Variants in BRINP2 observed in about 807,000 individuals in gnomAD.
BRINP2 encodes the protein BMP/retinoic acid inducible neural specific 2, also known as BMP/retinoic acid-inducible neural-specific protein 2.
BRINP2 carries 21 observed loss-of-function variants against 69.2 expected under a neutral mutation model. That is an observed-to-expected ratio of 0.30 (90% CI 0.22 to 0.44). The LOEUF (loss-of-function observed/expected upper bound fraction) is 0.44. Ranked by LOEUF, BRINP2 falls within the 20% of genes least tolerant of loss-of-function variation. The probability of loss-of-function intolerance (pLI) is 1.00; values close to 1 mark genes in which losing one functional copy is unlikely to be tolerated. For missense variants in BRINP2, 877 were observed against 986.0 expected, an observed-to-expected ratio of 0.89 and a Z score of 1.48; for synonymous variants, 380 against 394.1, an observed-to-expected ratio of 0.96 and a Z score of 0.42.
Position 177,223,967 on chromosome 1 carries a change from G to A in BRINP2, c.-76-5834G>A, listed in dbSNP as rs567545707. ...TACAAAATGAAACCAGGAGCACATC[G>A]TCAAGGCAAAAGCACCATGGTTAGT... On this transcript the variant is annotated intron_variant, in intron 1 of 7. Coordinates refer to ENST00000361539, the MANE Select transcript of BRINP2 (RefSeq NM_021165.4). Among the ~76,000 whole-genome samples, 18 of 152,176 alleles carry A rather than the reference G, an allele frequency of 1.2e-4. No homozygotes were observed. The East Asian group carries it at 2.5e-3, about 21-fold the overall frequency.
At chr1:177,208,558 G>A (rs1558159774) in intron 1 of BRINP2, among the ~76,000 whole-genome samples, 1 of 152,180 alleles carries the variant, frequency 6.6e-6, no homozygotes, top group Non-Finnish European at 1.5e-5. Context: ...TCTGTAGAGA[G>A]TGTGCATTAT....
At chr1:177,254,966 A>G (rs1265453994) in intron 2 of BRINP2, among the ~76,000 whole-genome samples, 1 of 152,216 alleles carries the variant, frequency 6.6e-6, no homozygotes, top group Non-Finnish European at 1.5e-5. Flanking sequence ...TGACCAACAC[A>G]TGATGTTACA....
chr1:177,247,578 A>G (rs867590331), intron 2 of BRINP2, among the ~76,000 whole-genome samples: 1 of 152,248 alleles, frequency 6.6e-6, no homozygotes, highest in Non-Finnish European at 1.5e-5. Flanking sequence ...CTGGAGAATA[A>G]TAGCCCAGTC....
intron 1 of BRINP2, among the ~76,000 whole-genome samples, chr1:177,187,890 A>G (rs1291070890): frequency 6.6e-6 from 1 of 152,218 alleles, no homozygotes; most frequent in Non-Finnish European, 1.5e-5. Context: ...AAGATTAAAA[A>G]ATAATCCATG....
chr1:177,239,378 C>A (rs555436004), intron 2 of BRINP2, among the ~76,000 whole-genome samples: 1 of 152,164 alleles, frequency 6.6e-6, no homozygotes, highest in Non-Finnish European at 1.5e-5. Context: ...TACAAGGGTG[C>A]GATGTAAATC....
intron 1 of BRINP2, among the ~76,000 whole-genome samples, chr1:177,216,251 CT>C (rs971545263): frequency 6.6e-6 from 1 of 151,752 alleles, no homozygotes; most frequent in Non-Finnish European, 1.5e-5. Context: ...ATTTTGTTTT[CT>C]TTTGTTTTGT....
At chr1:177,266,127 T>A (rs928904334) in intron 4 of BRINP2, among the ~76,000 whole-genome samples, 1 of 150,772 alleles carries the variant, frequency 6.6e-6, no homozygotes, top group African/African-American at 2.4e-5. Context: ...CTCAAAATAA[T>A]AATAATAATA....
chr1:177,279,742 T>G (rs1287909222), intron 7 of BRINP2, among the ~76,000 whole-genome samples: 1 of 152,254 alleles, frequency 6.6e-6, no homozygotes, highest in East Asian at 1.9e-4. Flanking sequence ...ACAGTGTTCC[T>G]TCTTTCATGG....
At chr1:177,272,575 T>A (rs1167482537) in intron 4 of BRINP2, among the ~76,000 whole-genome samples, 2 of 152,352 alleles carry the variant, frequency 1.3e-5, no homozygotes, top group East Asian at 1.9e-4. Flanking sequence ...CTCCTGTGCC[T>A]GCTGCAAAGC....
rs192331199 is a variant in BRINP2 at position 177,224,535 on chromosome 1, T to C, written c.-76-5266T>C. ...CATTTAACCGATGATACAGTGAAGG[T>C]CCCAGAGGGAAGTGACTTGCCTGAG... is the stretch of plus-strand genomic sequence containing the variant. On this transcript the variant is annotated intron_variant, in intron 1 of 7. Coordinates refer to ENST00000361539, the MANE Select transcript of BRINP2 (RefSeq NM_021165.4). 3.3e-4 allele frequency among the ~76,000 whole-genome samples: 50 copies of C among 152,022 alleles called. No homozygotes were observed. In the East Asian group the frequency reaches 7.7e-3, roughly 24 times the overall value.
intron 1 of BRINP2, among the ~76,000 whole-genome samples, chr1:177,201,879 C>T (rs1212174407): frequency 6.6e-6 from 1 of 152,112 alleles, no homozygotes; most frequent in Non-Finnish European, 1.5e-5. Context: ...AATTTCAGAG[C>T]CTGTTATTGG....
chr1:177,226,016 C>A (rs756094336), intron 1 of BRINP2, among the ~76,000 whole-genome samples: 6 of 152,228 alleles, frequency 3.9e-5, no homozygotes, highest in Non-Finnish European at 8.8e-5. Flanking sequence ...CAGGTTCTAG[C>A]ACATTGTGAG....
intron 1 of BRINP2, among the ~76,000 whole-genome samples, chr1:177,198,223 A>T (rs953490451): frequency 6.6e-6 from 1 of 151,984 alleles, no homozygotes; most frequent in South Asian, 2.1e-4. Context: ...ATCTAAACAG[A>T]CAAAGGTATA....
At chr1:177,174,706 G>A (rs959905468) in intron 1 of BRINP2, among the ~76,000 whole-genome samples, 1 of 152,216 alleles carries the variant, frequency 6.6e-6, no homozygotes, top group Admixed American at 6.5e-5. Context: ...TTCGAGGCTT[G>A]CTTGATTCCT....
chr1:177,252,380 T>G (rs1650610364), intron 2 of BRINP2, among the ~76,000 whole-genome samples: 1 of 152,200 alleles, frequency 6.6e-6, no homozygotes, highest in South Asian at 2.1e-4. Context: ...TGGTGGGATT[T>G]ATGCCTCAAA....
At position 177,280,781 on chromosome 1, in the gene BRINP2, C is replaced by T. The variant is rs1250397109; in HGVS notation, c.1605C>T (p.Asp535=). 3.7e-6 allele frequency: 6 copies of T among 1,614,168 alleles called. No homozygotes were observed. Among genetic ancestry groups the T allele is most frequent in the Non-Finnish European group, 5.1e-6 (6 of 1,180,012 alleles). ...TACACTCCATCTTCATCAGCAATGA[C>T]ATGCGGCTGGGCAGCTGGTTTGACC... ...IEVHSIFISN[D]MRLGSWFDPS... Residue 535 remains aspartate (D), a synonymous_variant, in exon 8 of 8, where the codon GAC becomes GAT. Transcript: ENST00000361539.
At chr1:177,240,658 T>C (rs1650170639) in intron 2 of BRINP2, among the ~76,000 whole-genome samples, 1 of 152,176 alleles carries the variant, frequency 6.6e-6, no homozygotes, top group African/African-American at 2.4e-5. Context: ...TTTTGTCTTC[T>C]GCAACCACTA....
intron 4 of BRINP2, among the ~76,000 whole-genome samples, chr1:177,269,308 G>A (rs529503125): frequency 3.0e-4 from 46 of 152,330 alleles, no homozygotes; most frequent in African/African-American, 1.1e-3. Context: ...AGCACAGCAA[G>A]CACTTTGCAC....
At chr1:177,178,158 C>T (rs1648144216) in intron 1 of BRINP2, among the ~76,000 whole-genome samples, 1 of 152,204 alleles carries the variant, frequency 6.6e-6, no homozygotes, top group Admixed American at 6.5e-5. Context: ...GGCTCTCACC[C>T]TTCTCTCCAG....
Sources: allele counts gnomAD v4.1 joint callset (sites outside exome capture counted in the v4.1 genomes callset), GRCh38; gene constraint gnomAD v4.1.1; transcripts MANE v1.5; gene names NCBI Gene and HGNC (gene_info 2026-07-23, HGNC 2026-07-21).